The following GGNBP2 variants were observed in gnomAD, a reference collection of about 807,000 sequenced individuals.
GGNBP2 encodes the protein gametogenetin-binding protein 2.
GGNBP2 carries 10 observed loss-of-function variants against 85.9 expected under a neutral mutation model. That is an observed-to-expected ratio of 0.12 (90% CI 0.07 to 0.20). GGNBP2 has a LOEUF of 0.20. GGNBP2 is among the 10% of genes least tolerant of loss of function. The probability of loss-of-function intolerance (pLI) is 1.00; values close to 1 mark genes in which losing one functional copy is unlikely to be tolerated. For missense variants in GGNBP2, 595 were observed against 857.8 expected, an observed-to-expected ratio of 0.69 and a Z score of 3.83; for synonymous variants, 287 against 285.7, an observed-to-expected ratio of 1.00 and a Z score of -0.05.
chr17:36,554,800 C>G lies in GGNBP2; in HGVS notation c.94-20C>G. ...TCAGAGGGGTAAAGTAATTGATTTC[C>G]GTTCTGTTTGCATTTTAAGATGGTG... On this transcript the variant is annotated intron_variant, in intron 2 of 13. Transcript: ENST00000613102. The G allele has an allele frequency of 6.8e-7, 1 of 1,478,840 alleles. No homozygotes were observed. The highest frequency in any genetic ancestry group is 9.5e-7 in the Non-Finnish European group (1 of 1,056,720). The allele number at this position is 1,478,840 out of a possible 1,614,324, so 91.6% of individuals were successfully genotyped here. A position where few individuals can be genotyped will look rare whatever the true frequency, so the allele number is the denominator to read the frequency against.
intron 6 of GGNBP2, chr17:36,577,621 G>A (rs1384152760): frequency 1.1e-5 from 3 of 279,572 alleles, no homozygotes; most frequent in Non-Finnish European, 2.1e-5. Flanking sequence ...TCATTGGTTT[G>A]TTGCCTCTAT....
intron 6 of GGNBP2, among the ~76,000 whole-genome samples, chr17:36,570,760 C>G (rs1052946052): frequency 1.3e-5 from 2 of 152,070 alleles, no homozygotes; most frequent in African/African-American, 4.8e-5. Context: ...GTGGCTCATG[C>G]CTGTAATCCT....
chr17:36,587,616 C>CAGTG, intron 13 of GGNBP2: 1 of 218,894 alleles, frequency 4.6e-6, no homozygotes, highest in Non-Finnish European at 9.4e-6. Flanking sequence ...AGGCTGGGTG[C>CAGTG]AGTGGCTCAT....
intron 4 of GGNBP2, among the ~76,000 whole-genome samples, chr17:36,558,010 G>C (rs1381847401): frequency 1.3e-5 from 2 of 152,136 alleles, no homozygotes. Context: ...TATTCAGGAG[G>C]CTGAGGCAGG....
At chr17:36,561,056 C>A (rs2074411854) in intron 5 of GGNBP2, among the ~76,000 whole-genome samples, 185 bp downstream of exon 5, 1 of 151,988 alleles carries the variant, frequency 6.6e-6, no homozygotes, top group South Asian at 2.1e-4. Flanking sequence ...TATAAAGTCT[C>A]AATGTAGATC....
In GGNBP2 at chr17:36,587,236, T is replaced by A. The variant is rs1353364415; in HGVS notation, c.1881T>A (p.Val627=). The change falls in exon 13 of 14, where the codon GTT becomes GTA. Residue 627 remains valine (V), a synonymous_variant. Coordinates refer to ENST00000613102, the MANE Select transcript of GGNBP2 (RefSeq NM_024835.5). The stretch of plus-strand genomic sequence containing the variant: ...CCGGAAAAGGTGCCAAGAGCTTAGT[T>A]GAACTCCTTGTAAGTATTCCATGTG... ...PDSGKGAKSL[V]ELLDESECTS... is the part of the protein sequence containing the mutation. The A allele has an allele frequency of 6.2e-7, 1 of 1,614,148 alleles. No individual in the cohort carries two copies. The highest frequency in any genetic ancestry group is 1.3e-5 in the African/African-American group (1 of 75,022).
At chr17:36,584,442 A>G (rs975712000) in intron 9 of GGNBP2, among the ~76,000 whole-genome samples, 4 of 152,206 alleles carry the variant, frequency 2.6e-5, no homozygotes, top group South Asian at 2.1e-4. Context: ...TGTTCAAGCA[A>G]TTCTCCTGCC....
chr17:36,569,409 A>G (rs1555606403), intron 6 of GGNBP2, among the ~76,000 whole-genome samples: 1 of 152,168 alleles, frequency 6.6e-6, no homozygotes, highest in Non-Finnish European at 1.5e-5. Context: ...TCTCAAAAAA[A>G]GAAAAAGCAA....
In GGNBP2 at chr17:36,550,395, TA is replaced by T. The variant is rs1019373495; in HGVS notation, c.94-4418del. On this transcript the variant is annotated intron_variant, in intron 2 of 13. Transcript: ENST00000613102. ...TAAGAGTTCTTAATGTCTTACACTT[TA>T]AAAAAATGATAAATGGTGGCATATC... Among the ~76,000 whole-genome samples the T allele has an allele frequency of 2.0e-4, 30 of 152,284 alleles. No individual in the cohort carries two copies. The East Asian group carries it at 5.6e-3, about 28-fold the overall frequency.
At chr17:36,576,629 GTATATGTATATA>G (rs1371149595) in intron 6 of GGNBP2, 2 of 111,076 alleles carry the variant, frequency 1.8e-5, no homozygotes, top group Non-Finnish European at 3.3e-5. Context: ...GTGTGTGTGT[GTATATGTATATA>G]TGTATATGTA....
chr17:36,575,648 A>ATTTTTTTTT (rs71274856), intron 6 of GGNBP2, among the ~76,000 whole-genome samples: 16 of 54,910 alleles, frequency 2.9e-4, no homozygotes, highest in African/African-American at 5.4e-4. Flanking sequence ...ATATATATAT[A>ATTTTTTTTT]TTTTTTTTTT....
intron 2 of GGNBP2, chr17:36,546,321 G>C (rs2074254890): frequency 1.5e-5 from 3 of 202,718 alleles, no homozygotes; most frequent in Non-Finnish European, 2.9e-5. Flanking sequence ...CCACTAAAAT[G>C]GTTTGATTTC....
chr17:36,556,882 T>C (rs779034973), intron 3 of GGNBP2, among the ~76,000 whole-genome samples: 1 of 149,228 alleles, frequency 6.7e-6, no homozygotes, highest in Non-Finnish European at 1.5e-5. Context: ...CCCTAGATTC[T>C]AGAGCAAGGG....
chr17:36,571,785 G>T (rs760055984), intron 6 of GGNBP2, among the ~76,000 whole-genome samples: 4 of 152,202 alleles, frequency 2.6e-5, no homozygotes, highest in Non-Finnish European at 4.4e-5. Flanking sequence ...GGAACTTGCA[G>T]TGAGCCGAGT....
intron 3 of GGNBP2, among the ~76,000 whole-genome samples, chr17:36,555,614 T>G (rs140152639): frequency 1.3e-5 from 2 of 152,190 alleles, no homozygotes; most frequent in South Asian, 2.1e-4. Context: ...CAGGATCTCT[T>G]GAGCCCAGGA....
intron 10 of GGNBP2, 142 bp downstream of exon 10, chr17:36,585,592 AC>A (rs1291161842): frequency 2.3e-5 from 15 of 657,110 alleles, no homozygotes; most frequent in Non-Finnish European, 3.8e-5. Flanking sequence ...TTAGTCAGAT[AC>A]TTAATATTTC....
chr17:36,555,150 C>T (rs1303186624), intron 3 of GGNBP2, among the ~76,000 whole-genome samples: 1 of 152,090 alleles, frequency 6.6e-6, no homozygotes, highest in African/African-American at 2.4e-5. Flanking sequence ...AAAACCAGGC[C>T]ATCTTTCCTA....
chr17:36,561,594 T>C (rs2074417416), intron 5 of GGNBP2, among the ~76,000 whole-genome samples: 1 of 152,176 alleles, frequency 6.6e-6, no homozygotes, highest in African/African-American at 2.4e-5. Context: ...TATGACAATA[T>C]GTATTTATGT....
chr17:36,585,480 C>G, intron 10 of GGNBP2, 30 bp downstream of exon 10: 1 of 1,445,636 alleles, frequency 6.9e-7, no homozygotes, highest in South Asian at 1.2e-5. Flanking sequence ...TTAAAATGAA[C>G]TCTTAACTCT....
Sources: gnomAD v4.1 joint callset for allele counts (sites outside exome capture counted in the v4.1 genomes callset) on GRCh38, gnomAD v4.1.1 for gene constraint, MANE v1.5 for transcripts, NCBI Gene and HGNC (gene_info 2026-07-23, HGNC 2026-07-21) for gene names.